AGO1: variants seen among roughly 807,000 people sequenced by gnomAD.
The protein encoded by AGO1 is argonaute RISC component 1, also known as protein argonaute-1.
Under a neutral mutation model 109.2 loss-of-function variants are expected in AGO1, and 11 were observed. The observed-to-expected ratio is 0.10, with a 90% confidence interval of 0.06 to 0.17. The LOEUF is 0.17. Ranked by LOEUF, AGO1 falls within the 10% of genes least tolerant of loss-of-function variation. The pLI is 1.00. For missense variants in AGO1, 574 were observed against 1,140.3 expected (o/e 0.50, Z 7.15); for synonymous variants, 422 against 418.6 (o/e 1.01, Z -0.10).
At chr1:35,891,349 G>A (rs2148710257) in intron 2 of AGO1, among the ~76,000 whole-genome samples, 1 of 152,300 alleles carries the variant, frequency 6.6e-6, no homozygotes, top group Admixed American at 6.5e-5. Flanking sequence ...CAGGAAGTAA[G>A]AGATGGTAAT....
chr1:35,888,337 G>A lies in AGO1; in HGVS notation c.26-90G>A. On this transcript the variant is annotated intron_variant, in intron 1 of 18. Transcript: ENST00000373204. This position sits in a 1 kb window ranked among gnomAD's most constrained non-coding sequence, Gnocchi z 4.1. Reference sequence around the variant, plus strand: ...AAAGAGGCATTCTCTATACTCTCGTGTTCCTGTTCTGGGAGGCCTTGTTCC... The same window carrying A: ...AAAGAGGCATTCTCTATACTCTCGTATTCCTGTTCTGGGAGGCCTTGTTCC... The A allele has an allele frequency of 7.3e-7, 1 of 1,373,470 alleles. No homozygotes were observed. Among genetic ancestry groups the A allele is most frequent in the Non-Finnish European group, 1.0e-6 (1 of 987,534 alleles). 85.1% of individuals were successfully genotyped at this position (1,373,470 alleles called of 1,614,324 possible). A position where few individuals can be genotyped will look rare whatever the true frequency, so the allele number is the denominator to read the frequency against.
chr1:35,885,102 A>G (rs1048689367), intron 1 of AGO1, among the ~76,000 whole-genome samples: 2 of 149,344 alleles, frequency 1.3e-5, no homozygotes, highest in Non-Finnish European at 3.0e-5. Flanking sequence ...CCAGCCTTGT[A>G]TAGACTGTGT....
intron 1 of AGO1, among the ~76,000 whole-genome samples, chr1:35,871,993 C>T (rs1644955036): frequency 1.3e-5 from 2 of 149,888 alleles, no homozygotes; most frequent in South Asian, 2.1e-4. Context: ...TGGCATGAAC[C>T]CGGGAGGCAG....
chr1:35,919,723 A>G lies in AGO1; in HGVS notation c.*116A>G. ...GAGGTGGGGTAGGGAGGAGTGTAGG[A>G]TGCCTTGTTTCCTTCTATAGAGGTG... On this transcript the variant is annotated 3_prime_UTR_variant, in exon 19 of 19. Transcript: ENST00000373204. The surrounding 1 kb of genome is among the most constrained non-coding windows in gnomAD (Gnocchi z 6.6). 1.1e-6 allele frequency: 1 copy of G among 933,726 alleles called. No homozygotes were observed. The highest frequency in any genetic ancestry group is 1.6e-6 in the Non-Finnish European group (1 of 625,598). 57.8% of individuals were successfully genotyped at this position (933,726 alleles called of 1,614,324 possible). A position where few individuals can be genotyped will look rare whatever the true frequency, so the allele number is the denominator to read the frequency against.
In AGO1 at chr1:35,907,037, G is replaced by A. The variant is rs1340285630; in HGVS notation, c.1500G>A (p.Glu500=). 2.5e-6 allele frequency: 4 copies of A among 1,614,016 alleles called. No individual in the cohort carries two copies. The highest frequency in any genetic ancestry group is 1.3e-5 in the African/African-American group (1 of 74,920). ...CKYAQGADSV[E]PMFRHLKNTY... The stretch of plus-strand genomic sequence containing the variant: ...ATGCACAGGGGGCAGACAGCGTGGA[G>A]CCTATGTTCCGGCATCTCAAGAACA... The change falls in exon 12 of 19, where the codon GAG becomes GAA. Residue 500 remains glutamate (E), a synonymous_variant. Transcript: ENST00000373204.
rs576549822 is a variant in AGO1, at chr1:35,883,610, C to T, written c.25+164C>T. ...GGCTGTGTGCAGTTCCGGGGGAGAACCATGTGAAGAGAGCCCTGAGATGGG... is the reference window on the plus strand; with the variant it reads ...GGCTGTGTGCAGTTCCGGGGGAGAATCATGTGAAGAGAGCCCTGAGATGGG... On this transcript the variant is annotated intron_variant, in intron 1 of 18. Transcript: ENST00000373204. This position sits in a 1 kb window ranked among gnomAD's most constrained non-coding sequence, Gnocchi z 5.4. Among the ~76,000 whole-genome samples the T allele has an allele frequency of 6.6e-6, 1 of 152,262 alleles. No homozygotes were observed. Among genetic ancestry groups the T allele is most frequent in the African/African-American group, 2.4e-5 (1 of 41,546 alleles).
At chr1:35,882,135 T>G (rs151266895), upstream of AGO1, among the ~76,000 whole-genome samples, 22 of 152,340 alleles carry the variant, frequency 1.4e-4, no homozygotes, top group African/African-American at 4.3e-4. The surrounding 1 kb of genome is among the most constrained non-coding windows in gnomAD (Gnocchi z 5.1). Flanking sequence ...CAAGTATGTT[T>G]GTGAGTGAAA....
In AGO1 at chr1:35,925,322, G is replaced by C. The variant is rs936305098; in HGVS notation, c.*5715G>C. The C allele has an allele frequency of 9.3e-5, 14 of 150,492 alleles. No individual in the cohort carries two copies. Among genetic ancestry groups the C allele is most frequent in the African/African-American group, 3.4e-4 (14 of 40,704 alleles). 9.3% of individuals were successfully genotyped at this position (150,492 alleles called of 1,614,324 possible). ...CATTGGAAAAACCAATTCTAAAATGGCTAAAACTAGGACTTTCAAGTTCAC... is the reference window on the plus strand; with the variant it reads ...CATTGGAAAAACCAATTCTAAAATGCCTAAAACTAGGACTTTCAAGTTCAC... On this transcript the variant is annotated 3_prime_UTR_variant, in exon 19 of 19. Coordinates refer to ENST00000373204, the MANE Select transcript of AGO1 (RefSeq NM_012199.5).
rs1419816438 is a variant in AGO1, at chr1:35,928,501, T to C, written c.*8894T>C. 2 of 152,240 alleles carry C rather than the reference T, an allele frequency of 1.3e-5. No homozygotes were observed. The highest frequency in any genetic ancestry group is 1.3e-4 in the Admixed American group (2 of 15,280). The allele number at this position is 152,240 out of a possible 1,614,324, so 9.4% of individuals were successfully genotyped here. A position where few individuals can be genotyped will look rare whatever the true frequency, so the allele number is the denominator to read the frequency against. On this transcript the variant is annotated 3_prime_UTR_variant, in exon 19 of 19. Transcript: ENST00000373204. ...TCGGTCTCATTAGTATTGCCCAGGC[T>C]GGCCTCTCTTAGCTTCAAGCTATCC...
At chr1:35,885,783 G>T (rs1645110985) in intron 1 of AGO1, among the ~76,000 whole-genome samples, 1 of 152,254 alleles carries the variant, frequency 6.6e-6, no homozygotes, top group African/African-American at 2.4e-5. Context: ...GAACTAGCAA[G>T]TGCCTAGTGT....
rs1178955240 is a variant in AGO1 at position 35,917,887 on chromosome 1, G to A, written c.2163+160G>A. 3.3e-5 allele frequency among the ~76,000 whole-genome samples: 5 copies of A among 152,038 alleles called. No homozygotes were observed. The South Asian group carries it at 6.2e-4, about 19-fold the overall frequency. ...CTCTTGTGGTCCTTCCTCTGCCACCGCCTTCACTAGTGTCCACCTCCTCCC... is the reference window on the plus strand; with the variant it reads ...CTCTTGTGGTCCTTCCTCTGCCACCACCTTCACTAGTGTCCACCTCCTCCC... On this transcript the variant is annotated intron_variant, in intron 16 of 18. Transcript: ENST00000373204.
rs936380126 is a variant in AGO1, at chr1:35,925,964, T to C, written c.*6357T>C. The C allele has an allele frequency of 6.6e-6, 1 of 152,180 alleles. No homozygotes were observed. The highest frequency in any genetic ancestry group is 2.4e-5 in the African/African-American group (1 of 41,440). The allele number at this position is 152,180 out of a possible 1,614,324, so 9.4% of individuals were successfully genotyped here. A position where few individuals can be genotyped will look rare whatever the true frequency, so the allele number is the denominator to read the frequency against. ...CCTCTGGAGGCCAAGTGTTGTAAAT[T>C]GGCCTGTGGCTATCATCTGGCAGAC... is the stretch of plus-strand genomic sequence containing the variant. On this transcript the variant is annotated 3_prime_UTR_variant, in exon 19 of 19. Coordinates refer to ENST00000373204, the MANE Select transcript of AGO1 (RefSeq NM_012199.5).
Position 35,892,578 on chromosome 1 carries a change from C to T in AGO1, c.231C>T (p.Val77=). ...ACAGGGAAGTGGTGGAATACATGGT[C>T]CAGCATTTCAAGCCTCAGATCTTTG... ...RVNREVVEYM[V]QHFKPQIFGD... is the part of the protein sequence containing the mutation. The change falls in exon 3 of 19, where the codon GTC becomes GTT. Residue 77 remains valine (V), a synonymous_variant. Coordinates refer to ENST00000373204, the MANE Select transcript of AGO1 (RefSeq NM_012199.5). The T allele has an allele frequency of 1.2e-6, 2 of 1,614,216 alleles. No individual in the cohort carries two copies. Among genetic ancestry groups the T allele is most frequent in the Non-Finnish European group, 1.7e-6 (2 of 1,180,040 alleles).
Position 35,883,586 on chromosome 1 carries a change from G to A in AGO1, c.25+140G>A, listed in dbSNP as rs1055870334. ...ACGATGGGGGCCCAGTTTGAAGGAG[G>A]CTGTGTGCAGTTCCGGGGGAGAACC... is the stretch of plus-strand genomic sequence containing the variant. On this transcript the variant is annotated intron_variant, in intron 1 of 18. Transcript: ENST00000373204. This position sits in a 1 kb window ranked among gnomAD's most constrained non-coding sequence, Gnocchi z 5.4. 7.7e-7 allele frequency: 1 copy of A among 1,300,292 alleles called. No homozygotes were observed. Among genetic ancestry groups the A allele is most frequent in the Admixed American group, 4.0e-5 (1 of 25,144 alleles). The allele number at this position is 1,300,292 out of a possible 1,614,324, so 80.5% of individuals were successfully genotyped here.
Position 35,919,017 on chromosome 1 carries a change from T to C in AGO1, c.2266-38T>C, listed in dbSNP as rs1447844077. The C allele has an allele frequency of 6.3e-7, 1 of 1,590,882 alleles. No individual in the cohort carries two copies. Among genetic ancestry groups the C allele is most frequent in the Non-Finnish European group, 8.6e-7 (1 of 1,159,592 alleles). ...TTCCCCTATTATCAGCCATCTTCTCTGCCCAGCCTGGGACCCCTCACCTTC... is the reference window on the plus strand; with the variant it reads ...TTCCCCTATTATCAGCCATCTTCTCCGCCCAGCCTGGGACCCCTCACCTTC... On this transcript the variant is annotated intron_variant, in intron 17 of 18. Coordinates refer to ENST00000373204, the MANE Select transcript of AGO1 (RefSeq NM_012199.5). This position sits in a 1 kb window ranked among gnomAD's most constrained non-coding sequence, Gnocchi z 6.6.
intron 11 of AGO1, among the ~76,000 whole-genome samples, chr1:35,904,864 T>TGGGATCCAGGGCACTGAGAAAG: frequency 6.6e-6 from 1 of 152,220 alleles, no homozygotes; most frequent in South Asian, 2.1e-4. Flanking sequence ...GATGAGGTGA[T>TGGGATCCAGGGCACTGAGAAAG]GGGATCCAGG....
At chr1:35,899,431 G>A (rs1383218359) in intron 8 of AGO1, among the ~76,000 whole-genome samples, 1 of 152,116 alleles carries the variant, frequency 6.6e-6, no homozygotes, top group East Asian at 1.9e-4. Flanking sequence ...GGTTTATATG[G>A]TAATTCTGTG....
chr1:35,884,500 C>T (rs887131860), intron 1 of AGO1, among the ~76,000 whole-genome samples: 6 of 152,174 alleles, frequency 3.9e-5, no homozygotes, highest in Non-Finnish European at 8.8e-5. Flanking sequence ...TTACACTCTA[C>T]ATTTATAACA....
intron 7 of AGO1, 139 bp from the exon 8 acceptor site, chr1:35,894,983 G>A (rs1645292549): frequency 9.6e-7 from 1 of 1,041,170 alleles, no homozygotes; most frequent in Non-Finnish European, 1.4e-6. Flanking sequence ...ATGAAGCAAA[G>A]TCTGGGACTT....
Sources: gnomAD v4.1 joint callset for allele counts (sites outside exome capture counted in the v4.1 genomes callset) on GRCh38, gnomAD v4.1.1 for gene constraint, Gnocchi (gnomAD v3.1) non-coding constraint, MANE v1.5 for transcripts, NCBI Gene and HGNC (gene_info 2026-07-23, HGNC 2026-07-21) for gene names.